CTNND2: variants seen among roughly 807,000 people sequenced by gnomAD.
The protein encoded by CTNND2 is catenin delta-2.
Under a neutral mutation model 144.4 loss-of-function variants are expected in CTNND2, and 22 were observed. The observed-to-expected ratio is 0.15, with a 90% CI of 0.11 to 0.22. The LOEUF (loss-of-function observed/expected upper bound fraction) is 0.22. Ranked by LOEUF, CTNND2 falls within the 10% of genes least tolerant of loss-of-function variation. The probability of loss-of-function intolerance (pLI) is 1.00; values close to 1 mark genes in which losing one functional copy is unlikely to be tolerated. For missense variants in CTNND2, 1,353 were observed against 1,618.8 expected (o/e 0.84, Z 2.82); for synonymous variants, 751 against 695.6 (o/e 1.08, Z -1.25).
intron 3 of CTNND2, among the ~76,000 whole-genome samples, chr5:11,538,651 C>T (rs1303103111): frequency 6.6e-6 from 1 of 152,074 alleles, no homozygotes; most frequent in Non-Finnish European, 1.5e-5. Context: ...TCCATCATTA[C>T]TCAAAGACAT....
At chr5:11,201,092 A>C (rs114144049) in intron 10 of CTNND2, among the ~76,000 whole-genome samples, 1,649 of 152,260 alleles carry the variant, frequency 0.011, 22 homozygotes, top group South Asian at 0.057. Flanking sequence ...ATTCTTGTTT[A>C]TCTTCAAGTG....
intron 9 of CTNND2, among the ~76,000 whole-genome samples, chr5:11,322,981 T>G (rs1752180288): frequency 6.6e-6 from 1 of 152,184 alleles, no homozygotes; most frequent in Non-Finnish European, 1.5e-5. Flanking sequence ...TGACAAATTA[T>G]GTCTGTGACA....
chr5:11,776,454 G>C (rs887224386), intron 1 of CTNND2, among the ~76,000 whole-genome samples: 5 of 152,130 alleles, frequency 3.3e-5, no homozygotes, highest in African/African-American at 1.2e-4. Flanking sequence ...GTCAGAGAAG[G>C]GGGTAAGTAA....
In CTNND2 at chr5:11,903,883, C is replaced by G; in HGVS notation, c.-30G>C. ...CCTCCGCCGGCGACAGCTCCTCAGT[C>G]CGGGAAGAGGCGTGCGCGGCGCCGC... On this transcript the variant is annotated 5_prime_UTR_variant, in exon 1 of 22. Transcript: ENST00000304623. The surrounding 1 kb of genome is among the most constrained non-coding windows in gnomAD (Gnocchi z 5.4). The G allele has an allele frequency of 6.9e-7, 1 of 1,445,894 alleles. No individual in the cohort carries two copies. The highest frequency in any genetic ancestry group is 1.5e-5 in the African/African-American group (1 of 67,424). The allele number at this position is 1,445,894 out of a possible 1,614,324, so 89.6% of individuals were successfully genotyped here.
chr5:11,449,168 TATAA>T (rs1457584979), intron 3 of CTNND2, among the ~76,000 whole-genome samples: 82 of 152,360 alleles, frequency 5.4e-4, no homozygotes, highest in Non-Finnish European at 5.3e-4. Context: ...TATGAGGTCA[TATAA>T]ATAAATGTTT....
chr5:11,815,919 A>C (rs1792607843), intron 1 of CTNND2, among the ~76,000 whole-genome samples: 1 of 152,172 alleles, frequency 6.6e-6, no homozygotes, highest in Non-Finnish European at 1.5e-5. Context: ...ATCTCATGTC[A>C]CTGATAAGGT....
chr5:11,273,739 C>A (rs1309694501), intron 9 of CTNND2, among the ~76,000 whole-genome samples: 1 of 152,108 alleles, frequency 6.6e-6, no homozygotes, highest in Non-Finnish European at 1.5e-5. Context: ...ATTGGGCAAC[C>A]TCATGTTTAT....
chr5:11,284,137 G>A (rs978861609), intron 9 of CTNND2, among the ~76,000 whole-genome samples: 4 of 152,274 alleles, frequency 2.6e-5, no homozygotes, highest in African/African-American at 9.6e-5. Flanking sequence ...AGGTGTTCTG[G>A]TCATGTGAAT....
intron 2 of CTNND2, among the ~76,000 whole-genome samples, chr5:11,662,159 G>GTATATATACATATATGTA (rs532874554): frequency 3.6e-5 from 5 of 137,584 alleles, no homozygotes; most frequent in African/African-American, 1.4e-4. Context: ...ATATATATGT[G>GTATATATACATATATGTA]TATATATGTG....
At chr5:11,291,591 CTAAACT>C (rs1748356099) in intron 9 of CTNND2, among the ~76,000 whole-genome samples, 1 of 152,136 alleles carries the variant, frequency 6.6e-6, no homozygotes, top group Non-Finnish European at 1.5e-5. Context: ...GGGCAGGGAA[CTAAACT>C]TAAAGAAAAG....
chr5:11,323,672 A>G (rs1297785549), intron 9 of CTNND2, among the ~76,000 whole-genome samples: 1 of 152,204 alleles, frequency 6.6e-6, no homozygotes, highest in East Asian at 1.9e-4. Context: ...GATGTCTGAA[A>G]CAAATATTAA....
At chr5:11,687,534 G>T (rs1437747131) in intron 2 of CTNND2, among the ~76,000 whole-genome samples, 2 of 152,228 alleles carry the variant, frequency 1.3e-5, no homozygotes, top group Non-Finnish European at 2.9e-5. Context: ...TGCAGCTTCT[G>T]CTGTGATATG....
At chr5:11,133,430 G>A (rs1755812440) in intron 12 of CTNND2, among the ~76,000 whole-genome samples, 1 of 152,018 alleles carries the variant, frequency 6.6e-6, no homozygotes, top group Admixed American at 6.6e-5. Flanking sequence ...TTGGCTCACT[G>A]CAACCTCTGC....
At chr5:11,154,287 A>G (rs984580526) in intron 12 of CTNND2, among the ~76,000 whole-genome samples, 2 of 152,212 alleles carry the variant, frequency 1.3e-5, no homozygotes. Context: ...ATAAGAGCAG[A>G]ACACACAGAA....
At chr5:11,139,617 G>T (rs567916095) in intron 12 of CTNND2, among the ~76,000 whole-genome samples, 1 of 152,302 alleles carries the variant, frequency 6.6e-6, no homozygotes, top group East Asian at 1.9e-4. Context: ...CCAGCTGCTC[G>T]TGCAGCTCTG....
chr5:11,210,612 A>C (rs1738528420), intron 10 of CTNND2, among the ~76,000 whole-genome samples: 1 of 152,212 alleles, frequency 6.6e-6, no homozygotes, highest in Non-Finnish European at 1.5e-5. Flanking sequence ...GGCAAAGCTA[A>C]AGTCACAGAT....
At chr5:11,100,588 G>A (rs1488491826) in intron 14 of CTNND2, among the ~76,000 whole-genome samples, 1 of 152,148 alleles carries the variant, frequency 6.6e-6, no homozygotes, top group Admixed American at 6.5e-5. Flanking sequence ...AGCAATATTG[G>A]CCTCTCAAAG....
At chr5:11,293,868 T>C (rs1406912565) in intron 9 of CTNND2, among the ~76,000 whole-genome samples, 2 of 148,578 alleles carry the variant, frequency 1.3e-5, no homozygotes, top group Non-Finnish European at 1.5e-5. Flanking sequence ...TAAGGCAAAG[T>C]TGTGAGTTGT....
chr5:11,572,610 T>G (rs949016703), intron 2 of CTNND2, among the ~76,000 whole-genome samples: 3 of 152,050 alleles, frequency 2.0e-5, no homozygotes, highest in African/African-American at 7.2e-5. Flanking sequence ...TCTTCCCTCC[T>G]CCTTTCCTAC....
Sources: allele counts gnomAD v4.1 joint callset (sites outside exome capture counted in the v4.1 genomes callset), GRCh38; gene constraint gnomAD v4.1.1; non-coding constraint Gnocchi (gnomAD v3.1); transcripts MANE v1.5; gene names NCBI Gene and HGNC (gene_info 2026-07-23, HGNC 2026-07-21).